The following SPAST variants were observed in gnomAD, a reference collection of about 807,000 sequenced individuals.
SPAST encodes spastin.
In SPAST, 30 loss-of-function variants were observed where a neutral mutation model predicts 76.6. The ratio of observed to expected loss-of-function variants is 0.39; its 90% CI spans 0.29 to 0.53. The LOEUF is 0.53. SPAST is among the 20% of genes least tolerant of loss of function. SPAST has a pLI of 0.68. For missense variants in SPAST, 717 were observed against 770.5 expected (o/e 0.93, Z 0.82); for synonymous variants, 305 against 281.0 (o/e 1.09, Z -0.86).
rs1431786679 is a variant in SPAST, at chr2:32,114,940, A to C, written c.870+115A>C. The stretch of plus-strand genomic sequence containing the variant: ...TTTATAATACTTTAGAGAATGGATA[A>C]GTTTCCATAAAGTTAAATTTTTTTT... On this transcript the variant is annotated intron_variant, in intron 5 of 16. Transcript: ENST00000315285. 1.1e-5 allele frequency: 8 copies of C among 750,342 alleles called. No individual in the cohort carries two copies. In the African/African-American group the frequency reaches 1.5e-4, roughly 14 times the overall value. 46.5% of individuals were successfully genotyped at this position (750,342 alleles called of 1,614,324 possible).
At chr2:32,127,288 T>A (rs1349181694) in intron 8 of SPAST, 1 of 431,974 alleles carries the variant, frequency 2.3e-6, no homozygotes, top group African/African-American at 2.0e-5. Flanking sequence ...TGTCTAGGTT[T>A]TTTATTTTTG....
intron 4 of SPAST, among the ~76,000 whole-genome samples, chr2:32,106,439 C>T (rs887681869): frequency 3.9e-5 from 6 of 152,154 alleles, no homozygotes; most frequent in Non-Finnish European, 7.4e-5. Flanking sequence ...CCCTTCAGCT[C>T]ACACTATGTG....
At chr2:32,142,953 T>C (rs1218148561) in intron 13 of SPAST, among the ~76,000 whole-genome samples, 1 of 152,184 alleles carries the variant, frequency 6.6e-6, no homozygotes, top group Non-Finnish European at 1.5e-5. Flanking sequence ...TATGTTTTTA[T>C]TCAAGTGTGG....
chr2:32,093,020 C>T (rs1320452270), intron 3 of SPAST, among the ~76,000 whole-genome samples: 4 of 94,392 alleles, frequency 4.2e-5, no homozygotes, highest in Non-Finnish European at 8.8e-5. Flanking sequence ...AAAAAAAAAA[C>T]GCCGGGCACT....
intron 5 of SPAST, 96 bp downstream of exon 5, chr2:32,114,921 A>T: frequency 1.1e-6 from 1 of 891,792 alleles, no homozygotes. Flanking sequence ...GTACTTTATA[A>T]TACTTTAGAG....
chr2:32,118,348 G>A (rs1678911842), intron 7 of SPAST, among the ~76,000 whole-genome samples: 1 of 151,990 alleles, frequency 6.6e-6, no homozygotes, highest in East Asian at 1.9e-4. Context: ...CTCATTCTAA[G>A]TACATAAAAT....
chr2:32,117,451 T>A (rs1056101292), intron 7 of SPAST, among the ~76,000 whole-genome samples: 1 of 151,492 alleles, frequency 6.6e-6, no homozygotes, highest in African/African-American at 2.4e-5. Flanking sequence ...ACAAGTACTT[T>A]ATGGGAAAGT....
At chr2:32,078,893 C>A (rs1224299743) in intron 1 of SPAST, among the ~76,000 whole-genome samples, 2 of 151,610 alleles carry the variant, frequency 1.3e-5, no homozygotes, top group African/African-American at 4.9e-5. Context: ...TTTTTGTCAC[C>A]CAGGTTGGAG....
chr2:32,120,662 A>G (rs979100531), intron 7 of SPAST, among the ~76,000 whole-genome samples: 2 of 151,572 alleles, frequency 1.3e-5, no homozygotes, highest in Admixed American at 6.6e-5. Flanking sequence ...GCCTGTGTCA[A>G]AGTGGTTGTT....
intron 6 of SPAST, 21 bp downstream of exon 6, chr2:32,115,856 GT>G: frequency 6.3e-7 from 1 of 1,581,374 alleles, no homozygotes; most frequent in Non-Finnish European, 8.7e-7. Context: ...CCATCTAAAT[GT>G]TTTATTTTAT....
At chr2:32,113,574 T>C (rs1264260719) in intron 4 of SPAST, among the ~76,000 whole-genome samples, 1 of 144,482 alleles carries the variant, frequency 6.9e-6, no homozygotes, top group East Asian at 2.0e-4. Context: ...TTTTTTTTTT[T>C]TTTTTTTTTG....
At chr2:32,147,532 G>A (rs1300078710) in intron 16 of SPAST, among the ~76,000 whole-genome samples, 1 of 151,898 alleles carries the variant, frequency 6.6e-6, no homozygotes, top group East Asian at 1.9e-4. Flanking sequence ...GGCCAGTCTG[G>A]CCTCAGACTC....
Position 32,153,741 on chromosome 2 carries a change from G to A in SPAST, c.1729-633G>A, listed in dbSNP as rs533446567. Among the ~76,000 whole-genome samples the A allele has an allele frequency of 2.6e-5, 4 of 152,072 alleles. No homozygotes were observed. In the Middle Eastern group the frequency reaches 0.014, roughly 517 times the overall value. On this transcript the variant is annotated intron_variant, in intron 16 of 16. Coordinates refer to ENST00000315285, the MANE Select transcript of SPAST (RefSeq NM_014946.4). ...ATTGTTTTAATCTATATTTCCAAAG[G>A]CAATTTAAAAGATCAGAAAATAAGA...
chr2:32,140,314 C>A (rs1204188588), intron 12 of SPAST, among the ~76,000 whole-genome samples: 1 of 152,084 alleles, frequency 6.6e-6, no homozygotes, highest in Non-Finnish European at 1.5e-5. Context: ...TGTTTTATTT[C>A]TTTGAGCATC....
Position 32,087,530 on chromosome 2 carries a change from G to A in SPAST, c.454G>A (p.Gly152Ser), listed in dbSNP as rs2148708904. The change falls in exon 2 of 17, where the codon GGT becomes AGT. Residue 152 changes from glycine (G) to serine (S), a missense_variant. Physicochemically the swap from Gly to Ser is moderately conservative, Grantham distance 56 (BLOSUM62 0). Coordinates refer to ENST00000315285, the MANE Select transcript of SPAST (RefSeq NM_014946.4). ...GCAAGCTGTGGAATGGTATAAGAAA[G>A]GTATTGAAGAACTGGAAAAAGGAAT... The part of the protein sequence containing the change: ...KEQAVEWYKK[G>S]IEELEKGIAV... The A allele has an allele frequency of 6.2e-7, 1 of 1,609,044 alleles. No individual in the cohort carries two copies. The highest frequency in any genetic ancestry group is 8.5e-7 in the Non-Finnish European group (1 of 1,176,420).
Position 32,126,022 on chromosome 2 carries a change from C to G in SPAST, c.1099-926C>G, listed in dbSNP as rs1679179823. On this transcript the variant is annotated intron_variant, in intron 7 of 16. Transcript: ENST00000315285. ...GTGTTAGCCAGGATGGTCTCGATCT[C>G]CTGACCTCGTGATCCGCCCGCCTTG... is the stretch of plus-strand genomic sequence containing the variant. Among the ~76,000 whole-genome samples the G allele has an allele frequency of 2.0e-5, 3 of 151,960 alleles. No individual in the cohort carries two copies. In the South Asian group the frequency reaches 6.2e-4, roughly 32 times the overall value.
At chr2:32,068,945 C>A (rs1310908567) in intron 1 of SPAST, among the ~76,000 whole-genome samples, 1 of 151,488 alleles carries the variant, frequency 6.6e-6, no homozygotes, top group Admixed American at 6.6e-5. Flanking sequence ...TGCAGTGGCC[C>A]ATGCCTGTTA....
At chr2:32,126,660 A>G (rs28609019) in intron 7 of SPAST, 14 of 209,764 alleles carry the variant, frequency 6.7e-5, no homozygotes, top group African/African-American at 2.7e-4. Context: ...TTTTTTTTTT[A>G]ATTTTTTGTA....
At chr2:32,143,590 A>G (rs914516400) in intron 14 of SPAST, among the ~76,000 whole-genome samples, 175 bp downstream of exon 14, 1 of 152,156 alleles carries the variant, frequency 6.6e-6, no homozygotes, top group African/African-American at 2.4e-5. Context: ...TTATATATAT[A>G]TGTGGAATCT....
Sources: gnomAD v4.1 joint callset for allele counts (sites outside exome capture counted in the v4.1 genomes callset) on GRCh38, gnomAD v4.1.1 for gene constraint, MANE v1.5 for transcripts, NCBI Gene and HGNC (gene_info 2026-07-23, HGNC 2026-07-21) for gene names.